The following ADGRD1 variants were observed in gnomAD, a reference collection of about 807,000 sequenced individuals.
ADGRD1 encodes G-protein coupled receptor 133.
In ADGRD1, 77 loss-of-function variants were observed where a neutral mutation model predicts 113.4. The observed-to-expected ratio is 0.68, with a 90% CI of 0.57 to 0.82. The LOEUF (loss-of-function observed/expected upper bound fraction) is 0.82. Ranked by LOEUF, ADGRD1 falls within the 40% of genes least tolerant of loss-of-function variation. ADGRD1 has a pLI of 0.00. For missense variants in ADGRD1, 1,036 were observed against 1,139.1 expected (o/e 0.91, Z 1.30); for synonymous variants, 474 against 475.0 (o/e 1.00, Z 0.03).
intron 13 of ADGRD1, among the ~76,000 whole-genome samples, chr12:131,039,996 A>G (rs1426243955): frequency 6.6e-6 from 1 of 152,196 alleles, no homozygotes; most frequent in African/African-American, 2.4e-5. Context: ...ACAGACACCA[A>G]GGGCCACAGA....
In ADGRD1 at chr12:130,964,374, T is replaced by C. The variant is rs1870762943; in HGVS notation, c.104-2089T>C. Among the ~76,000 whole-genome samples the C allele has an allele frequency of 2.0e-5, 3 of 152,208 alleles. No individual in the cohort carries two copies. The South Asian group carries it at 6.2e-4, about 32-fold the overall frequency. ...TTCCAATGTCTTTGTTGAATAATAT[T>C]TCTCCTCTAATTTAAAAGACCAGCT... is the stretch of plus-strand genomic sequence containing the variant. On this transcript the variant is annotated intron_variant, in intron 2 of 24. Coordinates refer to ENST00000261654, the MANE Select transcript of ADGRD1 (RefSeq NM_198827.5).
intron 13 of ADGRD1, chr12:131,034,984 C>G (rs1049675096): frequency 6.6e-6 from 1 of 152,358 alleles, no homozygotes; most frequent in Non-Finnish European, 1.5e-5. Flanking sequence ...AGAAGCAAAT[C>G]TGGTCACTCC....
rs1885531314 is a variant in ADGRD1, at chr12:131,075,510, G to C, written c.1474-1291G>C. Among the ~76,000 whole-genome samples, 1 of 152,208 alleles carries C rather than the reference G, an allele frequency of 6.6e-6. No homozygotes were observed. The highest frequency in any genetic ancestry group is 1.5e-5 in the Non-Finnish European group (1 of 68,036). ...GGATTAAAATAACCCTAAGATACGG[G>C]GCGGCAGGGGTGGGGGACAAAGCAA... On this transcript the variant is annotated intron_variant, in intron 13 of 24. Transcript: ENST00000261654. The surrounding 1 kb of genome is among the most constrained non-coding windows in gnomAD (Gnocchi z 5.3).
At chr12:131,023,348 T>C (rs1325715338) in intron 13 of ADGRD1, 2 of 152,234 alleles carry the variant, frequency 1.3e-5, no homozygotes, top group Non-Finnish European at 1.5e-5. Context: ...TTGAGGGGTA[T>C]GTGAACCATC....
At position 131,108,729 on chromosome 12, in the gene ADGRD1, C is replaced by T. The variant is rs1280136966; in HGVS notation, c.1893C>T (p.Pro631=). 4 of 1,614,042 alleles carry T rather than the reference C, an allele frequency of 2.5e-6. No homozygotes were observed. The African/African-American group carries it at 5.3e-5, about 22-fold the overall frequency. The stretch of plus-strand genomic sequence containing the variant: ...CATCTCTGGTTAAATCCTAGACCCC[C>T]TGCCAAGTGATGGCCGTGCTCCTAC... ...ISFRLEPGTT[P]CQVMAVLLHY... Residue 631 remains proline (P), a synonymous_variant, in exon 18 of 25, where the codon CCC becomes CCT. Transcript: ENST00000261654.
chr12:131,078,587 A>T (rs1257719257), intron 14 of ADGRD1, among the ~76,000 whole-genome samples: 2 of 152,250 alleles, frequency 1.3e-5, no homozygotes, highest in Non-Finnish European at 2.9e-5. Flanking sequence ...CTAAATTGGC[A>T]TGTTGATTCT....
intron 4 of ADGRD1, among the ~76,000 whole-genome samples, chr12:130,979,312 A>G (rs1872685503): frequency 6.6e-6 from 1 of 152,230 alleles, no homozygotes. Flanking sequence ...CTCTTAAAAA[A>G]TAAAATGGGG....
intron 7 of ADGRD1, among the ~76,000 whole-genome samples, chr12:130,991,778 C>T (rs1034550729): frequency 6.6e-6 from 1 of 152,120 alleles, no homozygotes; most frequent in Non-Finnish European, 1.5e-5. Flanking sequence ...GACAGGAGGA[C>T]TGCTCGAGTC....
chr12:130,968,855 C>A, intron 3 of ADGRD1: 1 of 644,208 alleles, frequency 1.6e-6, no homozygotes, highest in South Asian at 1.8e-5. Flanking sequence ...AGAGAAAGTC[C>A]AGGGTGCTCT....
intron 13 of ADGRD1, among the ~76,000 whole-genome samples, chr12:131,045,508 C>G (rs976173953): frequency 6.6e-6 from 1 of 151,902 alleles, no homozygotes; most frequent in Non-Finnish European, 1.5e-5. Flanking sequence ...TACAGGGACC[C>G]CCCCCCACCC....
intron 13 of ADGRD1, among the ~76,000 whole-genome samples, chr12:131,055,550 A>G (rs1009066057): frequency 6.6e-6 from 1 of 152,210 alleles, no homozygotes; most frequent in Non-Finnish European, 1.5e-5. Flanking sequence ...TACCTTGTTA[A>G]AAGTTATCCT....
At chr12:131,024,038 CAGATGAAGACAGAACGGATCTGAG>C (rs1345518585) in intron 13 of ADGRD1, 1 of 152,268 alleles carries the variant, frequency 6.6e-6, no homozygotes, top group East Asian at 1.9e-4. Flanking sequence ...CTGTCGACCA[CAGATGAAGACAGAACGGATCTGAG>C]AGATGAATGA....
chr12:131,117,607 ATCT>A (rs1950499050), intron 18 of ADGRD1, among the ~76,000 whole-genome samples: 2 of 152,118 alleles, frequency 1.3e-5, no homozygotes, highest in Non-Finnish European at 2.9e-5. Context: ...TCACATGCCC[ATCT>A]TTGAACCAAT....
chr12:130,994,872 C>T (rs1006085100), intron 8 of ADGRD1, among the ~76,000 whole-genome samples: 3 of 152,290 alleles, frequency 2.0e-5, no homozygotes, highest in African/African-American at 7.2e-5. Context: ...GGGGCATGTC[C>T]AGTTAGCTGG....
chr12:131,131,619 G>C, intron 20 of ADGRD1, 106 bp from the exon 21 acceptor site: 1 of 735,034 alleles, frequency 1.4e-6, no homozygotes. Context: ...CAGGAGCCCT[G>C]GCTGGGCAGG....
chr12:131,118,789 C>T lies in ADGRD1; in HGVS notation c.2108+338C>T, dbSNP rs544178443. Among the ~76,000 whole-genome samples the T allele has an allele frequency of 3.4e-4, 52 of 152,312 alleles. No homozygotes were observed. In the South Asian group the frequency reaches 0.011, roughly 31 times the overall value. ...GTCATCCACGGAGGCTGAATTGTGGCCCTTTCACCCTTTCTTGGGGTGGCC... is the reference window on the plus strand; with the variant it reads ...GTCATCCACGGAGGCTGAATTGTGGTCCTTTCACCCTTTCTTGGGGTGGCC... On this transcript the variant is annotated intron_variant, in intron 19 of 24. Transcript: ENST00000261654.
intron 23 of ADGRD1, 123 bp downstream of exon 23, chr12:131,137,137 C>T (rs1034932917): frequency 4.9e-6 from 4 of 810,186 alleles, no homozygotes; most frequent in Non-Finnish European, 6.4e-6. Context: ...CCTGAGCCAG[C>T]CACGTTCCTG....
intron 13 of ADGRD1, chr12:131,035,057 GA>G (rs902584378): frequency 6.6e-6 from 1 of 152,438 alleles, no homozygotes; most frequent in African/African-American, 2.4e-5. Flanking sequence ...CCTGACCTGT[GA>G]CTCACAGCCC....
intron 15 of ADGRD1, among the ~76,000 whole-genome samples, chr12:131,093,581 G>C (rs1887058148): frequency 6.6e-6 from 1 of 152,236 alleles, no homozygotes; most frequent in African/African-American, 2.4e-5. Flanking sequence ...ACCACTCTGA[G>C]CTGTATTTGC....
Sources: gnomAD v4.1 joint callset for allele counts (sites outside exome capture counted in the v4.1 genomes callset) on GRCh38, gnomAD v4.1.1 for gene constraint, Gnocchi (gnomAD v3.1) non-coding constraint, MANE v1.5 for transcripts, NCBI Gene and HGNC (gene_info 2026-07-23, HGNC 2026-07-21) for gene names.